The following AUTS2 variants were observed in gnomAD, a reference collection of about 807,000 sequenced individuals.
AUTS2 encodes the protein autism susceptibility gene 2 protein.
Under a neutral mutation model 112.4 loss-of-function variants are expected in AUTS2, and 17 were observed. The observed-to-expected ratio is 0.15, with a 90% confidence interval of 0.10 to 0.23. AUTS2 has a LOEUF of 0.23. Ranked by LOEUF, AUTS2 falls within the 10% of genes least tolerant of loss-of-function variation. The pLI is 1.00. For missense variants in AUTS2, 1,510 were observed against 1,701.6 expected (o/e 0.89, Z 1.98); for synonymous variants, 751 against 702.7 (o/e 1.07, Z -1.09).
At chr7:70,095,452 G>A (rs943216128) in intron 2 of AUTS2, among the ~76,000 whole-genome samples, 1 of 152,102 alleles carries the variant, frequency 6.6e-6, no homozygotes, top group Non-Finnish European at 1.5e-5. Context: ...GCTAACTCTT[G>A]TTATTTTGGA....
At chr7:70,634,148 A>G (rs1805416210) in intron 5 of AUTS2, among the ~76,000 whole-genome samples, 1 of 152,204 alleles carries the variant, frequency 6.6e-6, no homozygotes, top group African/African-American at 2.4e-5. Context: ...TGGTGAGAAG[A>G]GACAAGGAGA....
chr7:70,672,182 T>G (rs1242722673), intron 5 of AUTS2, among the ~76,000 whole-genome samples: 1 of 152,204 alleles, frequency 6.6e-6, no homozygotes, highest in Non-Finnish European at 1.5e-5. Context: ...TACAGAAGTG[T>G]AAGGCAGGAG....
intron 4 of AUTS2, among the ~76,000 whole-genome samples, chr7:70,254,861 T>A (rs1786776764): frequency 6.6e-6 from 1 of 152,200 alleles, no homozygotes; most frequent in South Asian, 2.1e-4. Flanking sequence ...CCTACTAGAC[T>A]ATCTCAGGAT....
Position 70,548,719 on chromosome 7 carries a change from G to A in AUTS2, c.690+112938G>A, listed in dbSNP as rs187143070. Among the ~76,000 whole-genome samples, 352 of 152,164 alleles carry A rather than the reference G, an allele frequency of 2.3e-3. 1 individual carries two copies. The highest frequency in any genetic ancestry group is 8.1e-3 in the African/African-American group (337 of 41,514). On this transcript the variant is annotated intron_variant, in intron 5 of 18. Transcript: ENST00000342771. ...AAAATCATAGACAATAAATACACAG[G>A]CTTATTTCTGGACTTTCATTTCTAT...
chr7:70,609,592 TG>T (rs377432451), intron 5 of AUTS2, among the ~76,000 whole-genome samples: 7 of 144,624 alleles, frequency 4.8e-5, no homozygotes, highest in African/African-American at 1.3e-4. Context: ...TTTTTTTTTT[TG>T]TTGTTTTGTT....
At chr7:70,469,593 T>C (rs999746501) in intron 5 of AUTS2, among the ~76,000 whole-genome samples, 2 of 152,178 alleles carry the variant, frequency 1.3e-5, no homozygotes, top group Non-Finnish European at 2.9e-5. Context: ...GGAAGCTTTT[T>C]TGATATATAA....
Position 70,072,911 on chromosome 7 carries a change from A to G in AUTS2, c.523-45221A>G, listed in dbSNP as rs529970774. ...GATTTAAATGTTAGAGTTTCATTCA[A>G]TATTTTCACTAAAATTTCTAGTCCT... On this transcript the variant is annotated intron_variant, in intron 2 of 18. Coordinates refer to ENST00000342771, the MANE Select transcript of AUTS2 (RefSeq NM_015570.4). Among the ~76,000 whole-genome samples the G allele has an allele frequency of 9.2e-5, 14 of 152,274 alleles. No homozygotes were observed. In the South Asian group the frequency reaches 2.3e-3, roughly 25 times the overall value.
At chr7:69,978,886 A>ACACACACACACACACGCACACACG (rs1798171033) in intron 2 of AUTS2, among the ~76,000 whole-genome samples, 1 of 148,610 alleles carries the variant, frequency 6.7e-6, no homozygotes, top group African/African-American at 2.5e-5. Flanking sequence ...ACACACACAC[A>ACACACACACACACACGCACACACG]CACACACACA....
chr7:70,716,943 G>C (rs1810407472), intron 6 of AUTS2, among the ~76,000 whole-genome samples: 2 of 150,320 alleles, frequency 1.3e-5, no homozygotes, highest in South Asian at 4.2e-4. Context: ...TGGAAAAACT[G>C]TAAAGGCATT....
chr7:70,706,464 A>T (rs1809743869), intron 6 of AUTS2, among the ~76,000 whole-genome samples: 1 of 152,196 alleles, frequency 6.6e-6, no homozygotes, highest in African/African-American at 2.4e-5. Context: ...AGGGCCTTGG[A>T]AGGAAGGGAA....
intron 4 of AUTS2, among the ~76,000 whole-genome samples, chr7:70,171,835 G>C (rs1281377193): frequency 6.6e-6 from 1 of 151,556 alleles, no homozygotes; most frequent in Non-Finnish European, 1.5e-5. Context: ...TGGCAATCTA[G>C]ATTTCTAACC....
intron 2 of AUTS2, among the ~76,000 whole-genome samples, chr7:69,980,540 A>G (rs13238398): frequency 0.16 from 24,201 of 152,076 alleles, 1,968 homozygotes; most frequent in South Asian, 0.21. Flanking sequence ...TTATGTTGGC[A>G]TTATCTTTTC....
intron 1 of AUTS2, among the ~76,000 whole-genome samples, chr7:69,817,057 T>G (rs1048006644): frequency 5.3e-5 from 8 of 152,194 alleles, no homozygotes; most frequent in African/African-American, 1.9e-4. Flanking sequence ...CTTTAAACAG[T>G]GCTCTGGACA....
At chr7:70,701,319 G>A (rs932987765) in intron 6 of AUTS2, among the ~76,000 whole-genome samples, 1 of 152,220 alleles carries the variant, frequency 6.6e-6, no homozygotes, top group Non-Finnish European at 1.5e-5. Flanking sequence ...GGCAGCAGGG[G>A]CCGTGGCTCG....
chr7:69,981,608 C>G (rs12698828), intron 2 of AUTS2, among the ~76,000 whole-genome samples: 24,609 of 152,122 alleles, frequency 0.16, 2,043 homozygotes, highest in South Asian at 0.21. Context: ...TCATTATGGG[C>G]TTTCAGTACA....
At chr7:70,472,759 G>T (rs2115941170) in intron 5 of AUTS2, among the ~76,000 whole-genome samples, 1 of 152,282 alleles carries the variant, frequency 6.6e-6, no homozygotes, top group East Asian at 1.9e-4. Context: ...CTGAGATCTG[G>T]CCAGCTCCTG....
At chr7:70,310,538 A>G (rs2129615209) in intron 4 of AUTS2, among the ~76,000 whole-genome samples, 1 of 151,934 alleles carries the variant, frequency 6.6e-6, no homozygotes, top group African/African-American at 2.4e-5. Flanking sequence ...GCGTGAACCC[A>G]GGAGGCGGAG....
chr7:69,743,550 G>T (rs558613578), intron 1 of AUTS2, among the ~76,000 whole-genome samples: 1 of 151,964 alleles, frequency 6.6e-6, no homozygotes, highest in South Asian at 2.1e-4. Context: ...ACAGTTTTAT[G>T]ACTTTGAGCT....
intron 5 of AUTS2, among the ~76,000 whole-genome samples, chr7:70,654,937 G>A (rs1490395340): frequency 6.6e-6 from 1 of 152,174 alleles, no homozygotes; most frequent in African/African-American, 2.4e-5. Flanking sequence ...ACAGTCAAAA[G>A]GCCAAGAAGT....
Sources: allele counts gnomAD v4.1 joint callset (sites outside exome capture counted in the v4.1 genomes callset), GRCh38; gene constraint gnomAD v4.1.1; transcripts MANE v1.5; gene names NCBI Gene and HGNC (gene_info 2026-07-23, HGNC 2026-07-21).